Variants in GDI2 observed in about 807,000 individuals in gnomAD.
GDI2 encodes rab GDP dissociation inhibitor beta.
Under a neutral mutation model 54.2 loss-of-function variants are expected in GDI2, and 22 were observed. The observed-to-expected ratio is 0.41, with a 90% CI of 0.29 to 0.58. The LOEUF (loss-of-function observed/expected upper bound fraction) is 0.58. Among genes scored for constraint, GDI2 ranks in the 20% least tolerant of loss-of-function variants. The pLI is 0.35. For synonymous variants in GDI2, 177 were observed against 182.1 expected (o/e 0.97, Z 0.23); for missense variants, 422 against 546.0 (o/e 0.77, Z 2.26).
intron 1 of GDI2, among the ~76,000 whole-genome samples, chr10:5,801,964 C>T (rs1056807321): frequency 2.0e-5 from 3 of 152,082 alleles, no homozygotes; most frequent in African/African-American, 7.2e-5. Context: ...GCTGAGACCA[C>T]GCCACTGCAC....
At chr10:5,769,734 A>G (rs1157945763) in intron 7 of GDI2, among the ~76,000 whole-genome samples, 3 of 152,224 alleles carry the variant, frequency 2.0e-5, no homozygotes. Flanking sequence ...AAACAAAATT[A>G]AGTGTCAAGG....
chr10:5,813,307 G>A lies in GDI2; in HGVS notation c.-49C>T, dbSNP rs377517094. The A allele has an allele frequency of 1.5e-5, 21 of 1,389,496 alleles. No homozygotes were observed. In the African/African-American group the frequency reaches 2.7e-4, roughly 18 times the overall value. 86.1% of individuals were successfully genotyped at this position (1,389,496 alleles called of 1,614,324 possible). A position where few individuals can be genotyped will look rare whatever the true frequency, so the allele number is the denominator to read the frequency against. ...ACCCGAGCAAGGAAAAGGCGCAGGG[G>A]CTCCGTGACCACCCTACGAGGCTGG... On this transcript the variant is annotated 5_prime_UTR_variant, in exon 1 of 11. Transcript: ENST00000380191.
In GDI2 at chr10:5,766,235, A is replaced by G; in HGVS notation, c.1191+6T>C. ...TGCCCATATCCTTTCACACTTCCAT[A>G]CTCACCTGGCTTTCTGTTCCCAAGT... On this transcript the variant is annotated splice_donor_region_variant and intron_variant, in intron 10 of 10. Coordinates refer to ENST00000380191, the MANE Select transcript of GDI2 (RefSeq NM_001494.4). This position sits in a 1 kb window ranked among gnomAD's most constrained non-coding sequence, Gnocchi z 5.8. 1 of 1,612,366 alleles carries G rather than the reference A, an allele frequency of 6.2e-7. No homozygotes were observed. The highest frequency in any genetic ancestry group is 1.1e-5 in the South Asian group (1 of 91,030).
chr10:5,798,631 C>A lies in GDI2; in HGVS notation c.154-1769G>T, dbSNP rs139748282. Among the ~76,000 whole-genome samples, 414 of 151,164 alleles carry A rather than the reference C, an allele frequency of 2.7e-3. 2 individuals carry two copies. Among genetic ancestry groups the A allele is most frequent in the African/African-American group, 9.5e-3 (392 of 41,196 alleles). ...AAAATTCATGACTCCCTCAATACAT[C>A]TGGGGAGAAAAAAAAGAAAAGAAAT... On this transcript the variant is annotated intron_variant, in intron 2 of 10. Transcript: ENST00000380191.
chr10:5,782,166 G>A (rs1840771946), intron 6 of GDI2, among the ~76,000 whole-genome samples: 1 of 152,148 alleles, frequency 6.6e-6, no homozygotes, highest in South Asian at 2.1e-4. Flanking sequence ...TTAGAAATGT[G>A]CAAAAGACTT....
chr10:5,772,921 C>T (rs1047798797), intron 7 of GDI2, among the ~76,000 whole-genome samples: 1 of 152,046 alleles, frequency 6.6e-6, no homozygotes, highest in Non-Finnish European at 1.5e-5. Context: ...AAACTGTGTG[C>T]CCTTGTAGAT....
At chr10:5,789,698 T>C (rs754805529) in intron 4 of GDI2, among the ~76,000 whole-genome samples, 10 of 152,236 alleles carry the variant, frequency 6.6e-5, no homozygotes, top group Non-Finnish European at 1.3e-4. Context: ...GTAGATATTA[T>C]TTACTATCAT....
At chr10:5,789,003 G>C (rs1840944766) in intron 4 of GDI2, among the ~76,000 whole-genome samples, 1 of 152,186 alleles carries the variant, frequency 6.6e-6, no homozygotes, top group Admixed American at 6.5e-5. Context: ...CTGACCTCAA[G>C]TGATCCGCCT....
At chr10:5,802,376 G>C (rs1271685174) in intron 1 of GDI2, among the ~76,000 whole-genome samples, 2 of 152,104 alleles carry the variant, frequency 1.3e-5, no homozygotes, top group Admixed American at 6.5e-5. Flanking sequence ...CGAGGCGGGT[G>C]GATCACAAGG....
rs545902675 is a variant in GDI2, at chr10:5,765,806, G to A, written c.*200C>T. The A allele has an allele frequency of 6.2e-6, 3 of 486,230 alleles. No homozygotes were observed. In the South Asian group the frequency reaches 1.0e-4, roughly 16 times the overall value. 30.1% of individuals were successfully genotyped at this position (486,230 alleles called of 1,614,324 possible). ...CCAGTTTGGTTAAATTGAACAGAAT[G>A]TGGTAACTGCCAATGCTGAATAGCC... On this transcript the variant is annotated 3_prime_UTR_variant, in exon 11 of 11. Coordinates refer to ENST00000380191, the MANE Select transcript of GDI2 (RefSeq NM_001494.4).
chr10:5,778,964 A>G (rs182559052), intron 6 of GDI2, among the ~76,000 whole-genome samples: 14 of 152,354 alleles, frequency 9.2e-5, no homozygotes, highest in Admixed American at 4.6e-4. Context: ...CCAGTATACA[A>G]TCCAACATTA....
chr10:5,806,048 TTC>T (rs1841372961), intron 1 of GDI2, among the ~76,000 whole-genome samples: 1 of 152,240 alleles, frequency 6.6e-6, no homozygotes, highest in African/African-American at 2.4e-5. Context: ...AAGTGTGCAT[TTC>T]TGTTATATAT....
At chr10:5,796,306 G>A (rs1466289945) in intron 3 of GDI2, among the ~76,000 whole-genome samples, 2 of 148,372 alleles carry the variant, frequency 1.3e-5, no homozygotes, top group Non-Finnish European at 3.0e-5. Context: ...CCAAGATCAT[G>A]CCACTGCACT....
intron 5 of GDI2, 69 bp from the exon 6 acceptor site, chr10:5,785,342 T>C (rs1357022216): frequency 8.5e-7 from 1 of 1,176,562 alleles, no homozygotes; most frequent in African/African-American, 1.6e-5. Flanking sequence ...TTTATAATTT[T>C]TTTTGAAGCG....
rs1279427382 is a variant in GDI2 at position 5,776,621 on chromosome 10, C to G, written c.720-2680G>C. 2.7e-6 allele frequency: 4 copies of G among 1,502,922 alleles called. No homozygotes were observed. Among genetic ancestry groups the G allele is most frequent in the Non-Finnish European group, 3.7e-6 (4 of 1,082,558 alleles). The allele number at this position is 1,502,922 out of a possible 1,614,324, so 93.1% of individuals were successfully genotyped here. On this transcript the variant is annotated intron_variant, in intron 6 of 10. Transcript: ENST00000380191. This position sits in a 1 kb window ranked among gnomAD's most constrained non-coding sequence, Gnocchi z 5.3. ...ACTCAAGGCTGAAAAGGGCAGACTT[C>G]TAAATGGTCCAATAGAAAAGGAGCT...
rs964670387 is a variant in GDI2, at chr10:5,768,052, A to G, written c.991+161T>C. Among the ~76,000 whole-genome samples, 1 of 151,518 alleles carries G rather than the reference A, an allele frequency of 6.6e-6. No homozygotes were observed. The highest frequency in any genetic ancestry group is 2.1e-4 in the South Asian group (1 of 4,766). ...AGTTGAATCTGTCCGCGTTGACACA[A>G]TGCTGCCGGAGCAGGAGGAGGTACA... On this transcript the variant is annotated intron_variant, in intron 8 of 10. Coordinates refer to ENST00000380191, the MANE Select transcript of GDI2 (RefSeq NM_001494.4). This position sits in a 1 kb window ranked among gnomAD's most constrained non-coding sequence, Gnocchi z 4.4.
chr10:5,811,968 A>C, intron 1 of GDI2: 1 of 994,710 alleles, frequency 1.0e-6, no homozygotes, highest in Non-Finnish European at 1.3e-6. Context: ...TGTAAAAAAA[A>C]AAAAAAAAAT....
At chr10:5,785,710 C>G (rs1840858516) in intron 5 of GDI2, 142 bp downstream of exon 5, 3 of 622,858 alleles carry the variant, frequency 4.8e-6, no homozygotes, top group South Asian at 4.0e-5. Context: ...TAAAAGGTCC[C>G]AACACTAATT....
intron 6 of GDI2, among the ~76,000 whole-genome samples, chr10:5,780,866 TC>T (rs1840738579): frequency 2.6e-5 from 4 of 152,052 alleles, no homozygotes; most frequent in Non-Finnish European, 5.9e-5. Flanking sequence ...AATATCAAAA[TC>T]CCAACAAGCA....
Sources: allele counts gnomAD v4.1 joint callset (sites outside exome capture counted in the v4.1 genomes callset), GRCh38; gene constraint gnomAD v4.1.1; non-coding constraint Gnocchi (gnomAD v3.1); transcripts MANE v1.5; gene names NCBI Gene and HGNC (gene_info 2026-07-23, HGNC 2026-07-21).